The following GALK2 variants were observed in gnomAD, a reference collection of about 807,000 sequenced individuals.
The protein encoded by GALK2 is N-acetylgalactosamine kinase.
In GALK2, 36 loss-of-function variants were observed where a neutral mutation model predicts 52.4. The ratio of observed to expected loss-of-function variants is 0.69; its 90% confidence interval spans 0.53 to 0.91. The LOEUF (loss-of-function observed/expected upper bound fraction) is 0.91, where lower values mean the gene tolerates loss of function less well. GALK2 is among the 40% of genes least tolerant of loss of function. GALK2 has a pLI of 0.00. For synonymous variants in GALK2, 176 were observed against 199.1 expected, an observed-to-expected ratio of 0.88 and a Z score of 0.98; for missense variants, 579 against 559.1, an observed-to-expected ratio of 1.04 and a Z score of -0.36.
chr15:49,287,060 G>A (rs1031982295), intron 7 of GALK2, among the ~76,000 whole-genome samples: 13 of 152,124 alleles, frequency 8.5e-5, no homozygotes, highest in African/African-American at 2.9e-4. Context: ...TTGGGATGTG[G>A]GAATGTTTTT....
chr15:49,277,141 T>A (rs1020926367), intron 5 of GALK2, among the ~76,000 whole-genome samples: 939 of 2,890 alleles, frequency 0.32, 9 homozygotes, highest in African/African-American at 0.43. Flanking sequence ...TTTTGTATTT[T>A]TTTTTTTTTT....
At chr15:49,208,112 A>T (rs1404314564) in intron 2 of GALK2, among the ~76,000 whole-genome samples, 2 of 151,844 alleles carry the variant, frequency 1.3e-5, no homozygotes, top group East Asian at 1.9e-4. Context: ...TGTTTCATTT[A>T]CCTTTTGTAT....
At chr15:49,176,640 A>G (rs1019191877) in intron 1 of GALK2, among the ~76,000 whole-genome samples, 2 of 152,202 alleles carry the variant, frequency 1.3e-5, no homozygotes, top group African/African-American at 2.4e-5. Flanking sequence ...CATTTAATCA[A>G]CAGATTTCTG....
At chr15:49,237,448 TG>T (rs202146763) in intron 4 of GALK2, among the ~76,000 whole-genome samples, 34 of 152,218 alleles carry the variant, frequency 2.2e-4, no homozygotes, top group African/African-American at 7.2e-4. Flanking sequence ...CATAATACGT[TG>T]TTTTTTGTTT....
chr15:49,318,894 A>T (rs1361722852), intron 8 of GALK2: 1 of 447,124 alleles, frequency 2.2e-6, no homozygotes, highest in Non-Finnish European at 4.4e-6. Flanking sequence ...AACAGGGATC[A>T]TACTGCACAT....
intron 5 of GALK2, among the ~76,000 whole-genome samples, chr15:49,271,191 C>T (rs540473646): frequency 2.8e-4 from 42 of 152,264 alleles, no homozygotes; most frequent in African/African-American, 6.3e-4. Flanking sequence ...TTGGAGGCCC[C>T]GCTGGTATTT....
chr15:49,318,954 C>CTTTT (rs35217317), intron 8 of GALK2: 49 of 420,796 alleles, frequency 1.2e-4, no homozygotes, highest in East Asian at 2.2e-4. Context: ...TTCTTTCTTT[C>CTTTT]TTTTTTTTTT....
At position 49,229,419 on chromosome 15, in the gene GALK2, C is replaced by T. The variant is rs552232928; in HGVS notation, c.267-6432C>T. The stretch of plus-strand genomic sequence containing the variant: ...AACCCTCTGGCTCCAAAGCATTCTG[C>T]ATTGTTGTTGGTGGCTGTATTAGGC... On this transcript the variant is annotated intron_variant, in intron 3 of 9. Transcript: ENST00000560031. Among the ~76,000 whole-genome samples, 114 of 152,256 alleles carry T rather than the reference C, an allele frequency of 7.5e-4. 1 individual carries two copies. Among genetic ancestry groups the T allele is most frequent in the Non-Finnish European group, 4.0e-4 (27 of 68,026 alleles).
intron 8 of GALK2, among the ~76,000 whole-genome samples, chr15:49,305,454 G>A (rs1856532641): frequency 3.3e-5 from 5 of 152,142 alleles, no homozygotes; most frequent in Admixed American, 3.3e-4. Flanking sequence ...GAATGGGAGA[G>A]ACCACAAAGA....
intron 3 of GALK2, among the ~76,000 whole-genome samples, chr15:49,231,752 G>A (rs2090515938): frequency 2.0e-5 from 3 of 152,340 alleles, no homozygotes; most frequent in South Asian, 4.1e-4. Context: ...ACCCAGCAAG[G>A]GAGTCATTAA....
chr15:49,277,520 G>A (rs113989660), intron 5 of GALK2, among the ~76,000 whole-genome samples: 8,753 of 147,248 alleles, frequency 0.059, 518 homozygotes, highest in African/African-American at 0.15. Context: ...CTTTCTGGCC[G>A]GGCGCGGTGG....
chr15:49,292,572 TC>T (rs761683711), intron 8 of GALK2, 35 bp downstream of exon 8: 16 of 1,537,632 alleles, frequency 1.0e-5, no homozygotes, highest in Non-Finnish European at 1.3e-5. Context: ...TATATGTTAT[TC>T]CCTCACTTAC....
intron 3 of GALK2, among the ~76,000 whole-genome samples, chr15:49,352,567 C>T (rs2042403978): frequency 6.6e-6 from 1 of 152,132 alleles, no homozygotes; most frequent in South Asian, 2.1e-4. Context: ...TTCAGAGCGC[C>T]TACCATATGT....
chr15:49,260,977 G>A (rs1175647069), intron 5 of GALK2, among the ~76,000 whole-genome samples: 1 of 152,034 alleles, frequency 6.6e-6, no homozygotes, highest in East Asian at 1.9e-4. Flanking sequence ...TAGCCTTGTA[G>A]TATAGTTTGA....
At chr15:49,323,905 A>G (rs534314144) in intron 9 of GALK2, among the ~76,000 whole-genome samples, 2 of 152,336 alleles carry the variant, frequency 1.3e-5, no homozygotes, top group Non-Finnish European at 2.9e-5. Context: ...TATATGAAAC[A>G]AAGTAAATAA....
At chr15:49,261,421 T>C (rs968157933) in intron 5 of GALK2, among the ~76,000 whole-genome samples, 17 of 150,402 alleles carry the variant, frequency 1.1e-4, no homozygotes, top group Non-Finnish European at 2.4e-4. Context: ...TGATTTTGTA[T>C]CCTGAGACTT....
rs1347140534 is a variant in GALK2, at chr15:49,299,735, T to TTTCTTTCTTTCTTTCTTTCTTTCCTTTC, written c.967+7200_967+7201insCTTTCTTTCTTTCTTTCTTTCCTTTCTT. ...CTTTCTTTCTTTCTTTCTTTCTTTC[T>TTTCTTTCTTTCTTTCTTTCTTTCCTTTC]TTTCTTTCTTTCTTTCTTTCTTTCT... On this transcript the variant is annotated intron_variant, in intron 8 of 9. Transcript: ENST00000560031. Among the ~76,000 whole-genome samples the TTTCTTTCTTTCTTTCTTTCTTTCCTTTC allele has an allele frequency of 9.5e-4, 74 of 77,568 alleles. 2 individuals carry two copies. The highest frequency in any genetic ancestry group is 3.8e-3 in the African/African-American group (68 of 18,052). The allele number at this position is 77,568 out of a possible 152,430, so 50.9% of individuals were successfully genotyped here.
At chr15:49,219,821 A>G (rs980715386) in intron 3 of GALK2, among the ~76,000 whole-genome samples, 2 of 152,074 alleles carry the variant, frequency 1.3e-5, no homozygotes, top group African/African-American at 4.8e-5. Flanking sequence ...AAAAAAAAAG[A>G]TATTTTCTGC....
chr15:49,172,928 T>A (rs563955594), intron 1 of GALK2, among the ~76,000 whole-genome samples: 1 of 152,348 alleles, frequency 6.6e-6, no homozygotes, highest in South Asian at 2.1e-4. Flanking sequence ...TATAACTAAT[T>A]CATTTAAAGT....
Sources: gnomAD v4.1 joint callset for allele counts (sites outside exome capture counted in the v4.1 genomes callset) on GRCh38, gnomAD v4.1.1 for gene constraint, MANE v1.5 for transcripts, NCBI Gene and HGNC (gene_info 2026-07-23, HGNC 2026-07-21) for gene names.